ACTB: variants seen among roughly 807,000 people sequenced by gnomAD.
ACTB encodes the protein actin, cytoplasmic 1.
In ACTB, 2 loss-of-function variants were observed where a neutral mutation model predicts 30.5. That is an observed-to-expected ratio of 0.07 (90% confidence interval 0.03 to 0.21). The LOEUF (loss-of-function observed/expected upper bound fraction) is 0.21. Among genes scored for constraint, ACTB ranks in the 10% least tolerant of loss-of-function variants. The probability of loss-of-function intolerance (pLI) is 1.00; values close to 1 mark genes in which losing one functional copy is unlikely to be tolerated. For synonymous variants in ACTB, 335 were observed against 217.6 expected (o/e 1.54, Z -4.75); for missense variants, 56 against 530.0 (o/e 0.11, Z 8.78).
Position 5,529,577 on chromosome 7 carries a change from G to T in ACTB, c.81C>A (p.Pro27=), listed in dbSNP as rs569964536. 6 of 1,611,528 alleles carry T rather than the reference G, an allele frequency of 3.7e-6. No homozygotes were observed. The highest frequency in any genetic ancestry group is 2.7e-5 in the African/African-American group (2 of 74,894). The change falls in exon 2 of 6, where the codon CCC becomes CCA. Residue 27 remains proline, a synonymous_variant. Transcript: ENST00000646664. ...CKAGFAGDDA[P]RAVFPSIVGR... is the part of the protein sequence containing the mutation. Reference sequence around the variant, plus strand: ...CCACGATGGAGGGGAAGACGGCCCGGGGGGCATCGTCGCCCGCGAAGCCGG... The same window carrying T: ...CCACGATGGAGGGGAAGACGGCCCGTGGGGCATCGTCGCCCGCGAAGCCGG...
In ACTB at chr7:5,529,679, G is replaced by C; in HGVS notation, c.-6-16C>G. 3.1e-6 allele frequency: 5 copies of C among 1,611,272 alleles called. No individual in the cohort carries two copies. The highest frequency in any genetic ancestry group is 1.9e-4 in the Middle Eastern group (1 of 5,270). ...CCATGGTGAGCTGCGAGAATAGCCG[G>C]GCGCGCTGTGAGCCGAGGTCGCCCC... On this transcript the variant is annotated splice_polypyrimidine_tract_variant and intron_variant, in intron 1 of 5. Transcript: ENST00000646664.
Position 5,527,663 on chromosome 7 carries a change from A to G in ACTB, c.*85T>C. Reference sequence around the variant, plus strand: ...AACCAAAACAAAACAAAAAAAACAAATAAAGCCATGCCAATCTCATCTTGT... The same window carrying G: ...AACCAAAACAAAACAAAAAAAACAAGTAAAGCCATGCCAATCTCATCTTGT... On this transcript the variant is annotated 3_prime_UTR_variant, in exon 6 of 6. Coordinates refer to ENST00000646664, the MANE Select transcript of ACTB (RefSeq NM_001101.5). 1.3e-6 allele frequency: 2 copies of G among 1,595,568 alleles called. No homozygotes were observed. The highest frequency in any genetic ancestry group is 2.2e-5 in the South Asian group (2 of 88,950).
rs1584262227 is a variant in ACTB, at chr7:5,528,717, G to T, written c.366C>A (p.Ile122=). 2 of 1,613,620 alleles carry T rather than the reference G, an allele frequency of 1.2e-6. No homozygotes were observed. The highest frequency in any genetic ancestry group is 1.7e-6 in the Non-Finnish European group (2 of 1,179,990). The change falls in exon 4 of 6, where the codon ATC becomes ATA. Residue 122 remains isoleucine (I), a splice_region_variant and synonymous_variant. Transcript: ENST00000646664. ...CTGGGGTGTTGAAGGTCTCAAACAT[G>T]ATCTGTAAGGCAGAGATACACCATG... ...PKANREKMTQ[I]MFETFNTPAM... is the part of the protein sequence containing the mutation.
intron 3 of ACTB, 118 bp downstream of exon 3, chr7:5,529,043 G>T (rs773374111): frequency 6.2e-7 from 1 of 1,612,852 alleles, no homozygotes; most frequent in Non-Finnish European, 8.5e-7. Flanking sequence ...AGGAGACTCA[G>T]GTCAGAGAAG....
chr7:5,528,819 T>G (rs1463490825), intron 3 of ACTB, 100 bp from the exon 4 acceptor site: 1 of 1,491,882 alleles, frequency 6.7e-7, no homozygotes, highest in Non-Finnish European at 9.3e-7. Flanking sequence ...CGGCTAAGTG[T>G]GCTGGGGTCT....
Position 5,527,290 on chromosome 7 carries a change from C to A in ACTB, c.*458G>T, listed in dbSNP as rs1410626253. The A allele has an allele frequency of 8.1e-6, 2 of 246,542 alleles. No homozygotes were observed. The highest frequency in any genetic ancestry group is 1.2e-4 in the East Asian group (1 of 8,122). 15.3% of individuals were successfully genotyped at this position (246,542 alleles called of 1,614,324 possible). A position where few individuals can be genotyped will look rare whatever the true frequency, so the allele number is the denominator to read the frequency against. On this transcript the variant is annotated 3_prime_UTR_variant, in exon 6 of 6. Transcript: ENST00000646664. ...GACAAAAAAGGGGGAAGGGGGGGCA[C>A]GAAGGCTCATCATTCAAAATAAAAC...
Position 5,529,404 on chromosome 7 carries a change from G to A in ACTB, c.124-4C>T, listed in dbSNP as rs13447397. ...GACCCATGCCCACCATCACGCCCTG[G>A]GAAGGAAAGGACAAGAAGCCCTGAG... On this transcript the variant is annotated splice_region_variant and splice_polypyrimidine_tract_variant and intron_variant, in intron 2 of 5. Coordinates refer to ENST00000646664, the MANE Select transcript of ACTB (RefSeq NM_001101.5). 2.2e-4 allele frequency: 348 copies of A among 1,613,960 alleles called. No homozygotes were observed. The Admixed American group carries it at 5.3e-3, about 24-fold the overall frequency.
Position 5,528,815 on chromosome 7 carries a change from A to T in ACTB, c.364-96T>A, listed in dbSNP as rs1784819337. ...GCAGAAAGTGCAAAGAACACGGCTA[A>T]GTGTGCTGGGGTCTTGGGATGGGGA... On this transcript the variant is annotated intron_variant, in intron 3 of 5. Transcript: ENST00000646664. The T allele has an allele frequency of 4.0e-6, 6 of 1,502,040 alleles. No individual in the cohort carries two copies. In the Admixed American group the frequency reaches 1.0e-4, roughly 25 times the overall value. The allele number at this position is 1,502,040 out of a possible 1,614,324, so 93.0% of individuals were successfully genotyped here. A position where few individuals can be genotyped will look rare whatever the true frequency, so the allele number is the denominator to read the frequency against.
intron 4 of ACTB, 30 bp from the exon 5 acceptor site, chr7:5,528,215 T>G (rs1784806519): frequency 1.2e-6 from 2 of 1,613,826 alleles, no homozygotes; most frequent in Non-Finnish European, 1.7e-6. Flanking sequence ...AGGACTTAGC[T>G]TCCACAGCAC....
Position 5,527,719 on chromosome 7 carries a change from G to C in ACTB, c.*29C>G, listed in dbSNP as rs370911789. 6.2e-6 allele frequency: 10 copies of C among 1,612,688 alleles called. No individual in the cohort carries two copies. The highest frequency in any genetic ancestry group is 8.5e-6 in the Non-Finnish European group (10 of 1,179,928). On this transcript the variant is annotated 3_prime_UTR_variant, in exon 6 of 6. Transcript: ENST00000646664. ...GCGCAAGTTAGGTTTTGTCAAGAAA[G>C]GGTGTAACGCAACTAAGTCATAGTC...
At chr7:5,529,953 C>G in intron 1 of ACTB, 1 of 269,198 alleles carries the variant, frequency 3.7e-6, no homozygotes, top group Non-Finnish European at 7.0e-6. Context: ...GCCACACCCT[C>G]GGGCGGCCAG....
At chr7:5,529,747 G>A in intron 1 of ACTB, 84 bp from the exon 2 acceptor site, 2 of 1,595,800 alleles carry the variant, frequency 1.3e-6, no homozygotes, top group Non-Finnish European at 1.7e-6. Context: ...AGGCCGCCAG[G>A]GGGCGCCGGC....
At chr7:5,530,238 T>C (rs1449149236) in intron 1 of ACTB, among the ~76,000 whole-genome samples, 1 of 151,724 alleles carries the variant, frequency 6.6e-6, no homozygotes, top group African/African-American at 2.4e-5. Context: ...GCGATCCCCA[T>C]TGGCAAGAGC....
chr7:5,529,830 GGCGTCCCCGC>G, intron 1 of ACTB, 167 bp from the exon 2 acceptor site: 6 of 1,170,846 alleles, frequency 5.1e-6, no homozygotes, highest in Non-Finnish European at 6.2e-6. Flanking sequence ...ACTGGTCGGA[GGCGTCCCCGC>G]GGCGCGCGGC....
chr7:5,530,293 GGCACCCCCGGAGC>G (rs2128241613), intron 1 of ACTB, among the ~76,000 whole-genome samples: 1 of 152,086 alleles, frequency 6.6e-6, no homozygotes, highest in African/African-American at 2.4e-5. Context: ...CCCCGAGAGC[GGCACCCCCGGAGC>G]GCGCCTCCCG....
chr7:5,528,784 G>A, intron 3 of ACTB, 65 bp from the exon 4 acceptor site: 5 of 1,571,724 alleles, frequency 3.2e-6, no homozygotes, highest in South Asian at 1.1e-5. Context: ...GCCAGACGGG[G>A]GACATGCAGA....
Position 5,528,152 on chromosome 7 carries a change from A to T in ACTB, c.836T>A (p.Phe279Tyr). ...CACGTCACACTTCATGATGGAGTTG[A>T]AGGTAGTTTCGTGGATGCCACAGGA... is the stretch of plus-strand genomic sequence containing the variant. ...MESCGIHETT[F>Y]NSIMKCDVDI... Residue 279 changes from phenylalanine (F) to tyrosine (Y), a missense_variant, in exon 5 of 6, where the codon TTC becomes TAC. Transcript: ENST00000646664. The T allele has an allele frequency of 6.2e-7, 1 of 1,614,188 alleles. No individual in the cohort carries two copies. The highest frequency in any genetic ancestry group is 8.5e-7 in the Non-Finnish European group (1 of 1,180,030).
At position 5,529,589 on chromosome 7, in the gene ACTB, G is replaced by A. The variant is rs1584263377; in HGVS notation, c.69C>T (p.Gly23=). ...GSGMCKAGFA[G]DDAPRAVFPS... is the part of the protein sequence containing the mutation. ...GGAAGACGGCCCGGGGGGCATCGTC[G>A]CCCGCGAAGCCGGCCTTGCACATGC... The change falls in exon 2 of 6, where the codon GGC becomes GGT. Residue 23 remains glycine (G), a synonymous_variant. Transcript: ENST00000646664. 6.2e-6 allele frequency: 10 copies of A among 1,611,340 alleles called. No individual in the cohort carries two copies. The highest frequency in any genetic ancestry group is 1.1e-5 in the South Asian group (1 of 91,034).
chr7:5,527,953 GGACCCCACAGCC>G, intron 5 of ACTB, 39 bp downstream of exon 5: 1 of 1,613,114 alleles, frequency 6.2e-7, no homozygotes, highest in Non-Finnish European at 8.5e-7. Flanking sequence ...ACACACCACA[GGACCCCACAGCC>G]GACCTGCCCA....
Sources: allele counts gnomAD v4.1 joint callset (sites outside exome capture counted in the v4.1 genomes callset), GRCh38; gene constraint gnomAD v4.1.1; transcripts MANE v1.5; gene names NCBI Gene and HGNC (gene_info 2026-07-23, HGNC 2026-07-21).